The following PRKG1 variants were observed in gnomAD, a reference collection of about 807,000 sequenced individuals.
PRKG1 encodes cGMP-dependent protein kinase 1.
PRKG1 carries 35 observed loss-of-function variants against 88.1 expected under a neutral mutation model. That is an observed-to-expected ratio of 0.40 (90% CI 0.30 to 0.53). The LOEUF is 0.53. Among genes scored for constraint, PRKG1 ranks in the 20% least tolerant of loss-of-function variants. PRKG1 has a pLI of 0.59. For synonymous variants in PRKG1, 303 were observed against 292.5 expected (o/e 1.04, Z -0.37); for missense variants, 540 against 839.8 (o/e 0.64, Z 4.41).
intron 17 of PRKG1, among the ~76,000 whole-genome samples, chr10:52,291,980 G>C (rs1021413213): frequency 4.6e-5 from 7 of 152,146 alleles, no homozygotes; most frequent in African/African-American, 1.7e-4. Context: ...TTGTTGTGTT[G>C]ATTTGCATTT....
chr10:51,054,011 A>G (rs1428543121), intron 1 of PRKG1, among the ~76,000 whole-genome samples: 1 of 152,162 alleles, frequency 6.6e-6, no homozygotes, highest in Non-Finnish European at 1.5e-5. Flanking sequence ...TTTTTATTAG[A>G]AGACTATATG....
intron 3 of PRKG1, among the ~76,000 whole-genome samples, chr10:51,684,867 G>A (rs766936381): frequency 2.6e-5 from 4 of 151,814 alleles, no homozygotes; most frequent in African/African-American, 7.3e-5. Context: ...ATCTTGTCTC[G>A]ATTAAAAAAT....
intron 2 of PRKG1, among the ~76,000 whole-genome samples, chr10:51,237,006 C>T (rs151160402): frequency 2.3e-3 from 346 of 152,278 alleles, no homozygotes; most frequent in African/African-American, 7.9e-3. Flanking sequence ...CTGTTTTGCT[C>T]AGGACTGTTC....
At chr10:51,344,578 A>C (rs2132552874) in intron 2 of PRKG1, among the ~76,000 whole-genome samples, 1 of 152,346 alleles carries the variant, frequency 6.6e-6, no homozygotes, top group African/African-American at 2.4e-5. Context: ...GGTCAAAAGC[A>C]TGTACATGGT....
intron 1 of PRKG1, among the ~76,000 whole-genome samples, chr10:51,099,635 C>T (rs891151214): frequency 6.6e-6 from 1 of 151,856 alleles, no homozygotes; most frequent in Non-Finnish European, 1.5e-5. Flanking sequence ...TTTTTTTAAC[C>T]CAGGACTCTG....
chr10:51,855,066 G>C (rs111684330), intron 4 of PRKG1, among the ~76,000 whole-genome samples: 1 of 152,224 alleles, frequency 6.6e-6, no homozygotes. Flanking sequence ...AGTGCAATTC[G>C]GTGATTTGAA....
At chr10:52,110,318 C>G (rs566426424) in intron 7 of PRKG1, among the ~76,000 whole-genome samples, 1 of 152,020 alleles carries the variant, frequency 6.6e-6, no homozygotes, top group Non-Finnish European at 1.5e-5. Context: ...CGTGAAAGTG[C>G]GAGACTCCAT....
At chr10:51,535,192 A>G (rs530227594) in intron 3 of PRKG1, among the ~76,000 whole-genome samples, 15 of 152,158 alleles carry the variant, frequency 9.9e-5, no homozygotes, top group Admixed American at 5.2e-4. Context: ...TCTTTTATGG[A>G]TAGGTAATAT....
intron 5 of PRKG1, among the ~76,000 whole-genome samples, chr10:51,934,035 A>G (rs904445413): frequency 6.6e-6 from 1 of 152,192 alleles, no homozygotes; most frequent in Non-Finnish European, 1.5e-5. Context: ...ATACATGTAA[A>G]TTAGATAAAC....
intron 1 of PRKG1, among the ~76,000 whole-genome samples, chr10:51,049,663 A>G (rs1843536617): frequency 1.3e-5 from 2 of 152,180 alleles, no homozygotes; most frequent in South Asian, 2.1e-4. Context: ...TGCTGCAACT[A>G]CTACTACTGC....
intron 3 of PRKG1, among the ~76,000 whole-genome samples, chr10:51,794,589 C>T (rs563464891): frequency 2.6e-5 from 4 of 152,054 alleles, no homozygotes; most frequent in Admixed American, 2.6e-4. Context: ...GTTATTAATA[C>T]ATTGTATTCT....
chr10:51,376,800 G>A lies in PRKG1; in HGVS notation c.479-90923G>A, dbSNP rs188206167. ...AGTGATTCTCCTGCCTCAGCCTCCC[G>A]AGTAGCTGGGATTACAGGCACCTGC... On this transcript the variant is annotated intron_variant, in intron 2 of 17. Coordinates refer to ENST00000373980, the MANE Select transcript of PRKG1 (RefSeq NM_006258.4). Among the ~76,000 whole-genome samples the A allele has an allele frequency of 4.2e-3, 646 of 152,062 alleles. 6 individuals are homozygous for A. The highest frequency in any genetic ancestry group is 0.015 in the African/African-American group (602 of 41,476).
At chr10:51,116,712 A>G (rs12782611) in intron 1 of PRKG1, among the ~76,000 whole-genome samples, 1 of 152,166 alleles carries the variant, frequency 6.6e-6, no homozygotes, top group East Asian at 1.9e-4. Context: ...GAGGGGGCTG[A>G]GTTCAAGATG....
intron 4 of PRKG1, among the ~76,000 whole-genome samples, chr10:51,887,817 G>A (rs1210393133): frequency 6.6e-6 from 1 of 152,158 alleles, no homozygotes; most frequent in Non-Finnish European, 1.5e-5. Flanking sequence ...AGTTGTAGGA[G>A]ACTCTCCTTT....
chr10:51,713,590 T>G (rs934694190), intron 3 of PRKG1, among the ~76,000 whole-genome samples: 2 of 152,196 alleles, frequency 1.3e-5, no homozygotes, highest in Non-Finnish European at 2.9e-5. Context: ...GAAATATATG[T>G]GGAATAAGAT....
chr10:51,194,319 A>G (rs1837707222), intron 2 of PRKG1, among the ~76,000 whole-genome samples: 1 of 151,396 alleles, frequency 6.6e-6, no homozygotes, highest in South Asian at 2.1e-4. Context: ...TACATGTGCC[A>G]TGGTGGTTTG....
intron 7 of PRKG1, among the ~76,000 whole-genome samples, chr10:52,117,097 G>A (rs992007078): frequency 1.3e-5 from 2 of 151,672 alleles, no homozygotes; most frequent in African/African-American, 4.8e-5. Flanking sequence ...ATATTAGAAA[G>A]AGAATCTCAA....
chr10:51,064,895 A>G (rs1209031816), intron 1 of PRKG1, among the ~76,000 whole-genome samples: 1 of 152,098 alleles, frequency 6.6e-6, no homozygotes, highest in Non-Finnish European at 1.5e-5. Context: ...AAGCAAAGCA[A>G]GAACAAGGGA....
chr10:51,995,509 C>G (rs928760693), intron 5 of PRKG1, among the ~76,000 whole-genome samples: 1 of 152,130 alleles, frequency 6.6e-6, no homozygotes. Context: ...AATGTTTTTA[C>G]CATTCATATG....
Sources: allele counts gnomAD v4.1 joint callset (sites outside exome capture counted in the v4.1 genomes callset), GRCh38; gene constraint gnomAD v4.1.1; transcripts MANE v1.5; gene names NCBI Gene and HGNC (gene_info 2026-07-23, HGNC 2026-07-21).